ZHX2: variants seen among roughly 807,000 people sequenced by gnomAD.
ZHX2 encodes zinc fingers and homeoboxes protein 2.
In ZHX2, 6 loss-of-function variants were observed where a neutral mutation model predicts 21.9. The ratio of observed to expected loss-of-function variants is 0.27; its 90% CI spans 0.15 to 0.54. The LOEUF (loss-of-function observed/expected upper bound fraction) is 0.54, where lower values mean the gene tolerates loss of function less well. ZHX2 is among the 20% of genes least tolerant of loss of function. ZHX2 has a pLI of 0.95. For synonymous variants in ZHX2, 434 were observed against 437.1 expected, an observed-to-expected ratio of 0.99 and a Z score of 0.09; for missense variants, 908 against 1,090.7, an observed-to-expected ratio of 0.83 and a Z score of 2.36.
At chr8:122,891,802 G>T (rs2129870168) in intron 2 of ZHX2, among the ~76,000 whole-genome samples, 1 of 152,248 alleles carries the variant, frequency 6.6e-6, no homozygotes, top group East Asian at 1.9e-4. Flanking sequence ...ATATGATTTT[G>T]ATTTTTAAAC....
chr8:122,833,448 C>T (rs1818422094), intron 1 of ZHX2, among the ~76,000 whole-genome samples: 1 of 152,020 alleles, frequency 6.6e-6, no homozygotes, highest in South Asian at 2.1e-4. Context: ...AACAGTAATG[C>T]GGACGGGGGT....
chr8:122,955,069 C>CGGT (rs1813259110), intron 3 of ZHX2, among the ~76,000 whole-genome samples: 1 of 20,682 alleles, frequency 4.8e-5, no homozygotes, highest in East Asian at 1.0e-3. Flanking sequence ...TCACATAAGC[C>CGGT]GGGGGGGGGG....
intron 1 of ZHX2, chr8:122,807,788 G>A (rs1817852146): frequency 6.6e-6 from 1 of 152,246 alleles, no homozygotes; most frequent in Non-Finnish European, 1.5e-5. Context: ...TTGCAGATAA[G>A]CAAACCGAGG....
At position 122,953,412 on chromosome 8, in the gene ZHX2, A is replaced by G; in HGVS notation, c.1902A>G (p.Ala634=). Residue 634 remains alanine, a synonymous_variant, in exon 3 of 4, where the codon GCA becomes GCG. Transcript: ENST00000314393. The surrounding 1 kb of genome is among the most constrained non-coding windows in gnomAD (Gnocchi z 4.6). ...TGCCCAGCCCTTCGCCAGCAATTGC[A>G]AAAAGTCAAGAACAGGTTCATCTCC... ...SSLPSPSPAI[A]KSQEQVHLLR... is the part of the protein sequence containing the mutation. 2 of 1,614,194 alleles carry G rather than the reference A, an allele frequency of 1.2e-6. No homozygotes were observed. Among genetic ancestry groups the G allele is most frequent in the Non-Finnish European group, 1.7e-6 (2 of 1,180,050 alleles).
intron 3 of ZHX2, among the ~76,000 whole-genome samples, chr8:122,967,176 C>A (rs561882530): frequency 6.6e-5 from 10 of 152,294 alleles, no homozygotes; most frequent in African/African-American, 2.4e-4. Context: ...TGGTTTGAGT[C>A]CGTTGCTAGA....
chr8:122,946,261 A>C (rs896574039), intron 2 of ZHX2, among the ~76,000 whole-genome samples: 12 of 152,156 alleles, frequency 7.9e-5, no homozygotes, highest in African/African-American at 2.7e-4. Context: ...GGCTTTCAAA[A>C]TGACAGATAC....
At chr8:122,792,844 A>G (rs1817544821) in intron 1 of ZHX2, among the ~76,000 whole-genome samples, 1 of 151,136 alleles carries the variant, frequency 6.6e-6, no homozygotes, top group Admixed American at 6.6e-5. Context: ...GCAGGGTGGC[A>G]CCCGAGAGTG....
At chr8:122,866,329 C>A (rs117180124) in intron 2 of ZHX2, among the ~76,000 whole-genome samples, 10 of 152,130 alleles carry the variant, frequency 6.6e-5, no homozygotes, top group African/African-American at 9.7e-5. Flanking sequence ...GGCACTCCCC[C>A]CCACCCCAGG....
At chr8:122,889,344 A>G (rs1819921761) in intron 2 of ZHX2, among the ~76,000 whole-genome samples, 2 of 152,172 alleles carry the variant, frequency 1.3e-5, no homozygotes, top group Non-Finnish European at 2.9e-5. Context: ...ATTCCTACCA[A>G]CAGTGTACAA....
chr8:122,794,018 C>T (rs1195600646), intron 1 of ZHX2, among the ~76,000 whole-genome samples: 1 of 152,192 alleles, frequency 6.6e-6, no homozygotes, highest in Non-Finnish European at 1.5e-5. Context: ...TGGGTTGGTG[C>T]CATGATGAGT....
chr8:122,964,421 C>T (rs1813529275), intron 3 of ZHX2, among the ~76,000 whole-genome samples: 1 of 151,606 alleles, frequency 6.6e-6, no homozygotes, highest in Non-Finnish European at 1.5e-5. Context: ...TTTGTTTTCA[C>T]TTTTTTTTAA....
At chr8:122,806,432 G>A (rs1474437217) in intron 1 of ZHX2, among the ~76,000 whole-genome samples, 4 of 152,188 alleles carry the variant, frequency 2.6e-5, no homozygotes, top group Non-Finnish European at 4.4e-5. Flanking sequence ...GCATCTGCCC[G>A]GGTCAGTTTG....
At chr8:122,943,266 A>T (rs1812890671) in intron 2 of ZHX2, among the ~76,000 whole-genome samples, 1 of 152,100 alleles carries the variant, frequency 6.6e-6, no homozygotes, top group Non-Finnish European at 1.5e-5. Flanking sequence ...CATCTCAAAA[A>T]AAAAATAAAA....
chr8:122,810,156 G>A (rs567779107), intron 1 of ZHX2, among the ~76,000 whole-genome samples: 1 of 152,200 alleles, frequency 6.6e-6, no homozygotes, highest in Non-Finnish European at 1.5e-5. Context: ...GAAGACCTAA[G>A]TGCCAGCCCT....
At chr8:122,889,036 C>G (rs2129849967) in intron 2 of ZHX2, among the ~76,000 whole-genome samples, 1 of 152,256 alleles carries the variant, frequency 6.6e-6, no homozygotes, top group African/African-American at 2.4e-5. Context: ...ACATAATGTT[C>G]CCAGTTTCAT....
intron 2 of ZHX2, among the ~76,000 whole-genome samples, chr8:122,937,649 G>A (rs909078173): frequency 5.3e-5 from 8 of 151,442 alleles, no homozygotes; most frequent in Admixed American, 2.6e-4. Flanking sequence ...GCGCTGTCTC[G>A]GCTTACTGCA....
intron 2 of ZHX2, among the ~76,000 whole-genome samples, chr8:122,906,666 CTTTTT>C (rs771349214): frequency 8.1e-6 from 1 of 123,428 alleles, no homozygotes. Context: ...ACATAATTTC[CTTTTT>C]TTTTTTTTTT....
intron 2 of ZHX2, among the ~76,000 whole-genome samples, chr8:122,923,110 G>C (rs968054813): frequency 6.6e-6 from 1 of 152,212 alleles, no homozygotes; most frequent in African/African-American, 2.4e-5. Context: ...TCACATTCCT[G>C]GTTGATATCT....
intron 1 of ZHX2, among the ~76,000 whole-genome samples, chr8:122,802,738 G>A (rs1280162149): frequency 2.6e-5 from 4 of 152,164 alleles, no homozygotes; most frequent in Admixed American, 2.6e-4. Flanking sequence ...ATGTGTTCTG[G>A]GTCCCAACGC....
Sources: allele counts gnomAD v4.1 joint callset (sites outside exome capture counted in the v4.1 genomes callset), GRCh38; gene constraint gnomAD v4.1.1; non-coding constraint Gnocchi (gnomAD v3.1); transcripts MANE v1.5; gene names NCBI Gene and HGNC (gene_info 2026-07-23, HGNC 2026-07-21).